The following WDR59 variants were observed in gnomAD, a reference collection of about 807,000 sequenced individuals.
WDR59 encodes the protein GATOR2 complex protein WDR59.
WDR59 carries 100 observed loss-of-function variants against 131.2 expected under a neutral mutation model. The observed-to-expected ratio is 0.76, with a 90% CI of 0.65 to 0.90. The LOEUF is 0.90. Ranked by LOEUF, WDR59 falls within the 40% of genes least tolerant of loss-of-function variation. The probability of loss-of-function intolerance (pLI) is 0.00; values close to 1 mark genes in which losing one functional copy is unlikely to be tolerated. For missense variants in WDR59, 1,203 were observed against 1,262.2 expected, an observed-to-expected ratio of 0.95 and a Z score of 0.71; for synonymous variants, 601 against 466.2, an observed-to-expected ratio of 1.29 and a Z score of -3.72.
intron 1 of WDR59, among the ~76,000 whole-genome samples, chr16:74,981,654 A>ATG (rs1430602702): frequency 9.5e-5 from 1 of 10,568 alleles, no homozygotes; most frequent in South Asian, 5.7e-3. Flanking sequence ...ATATATATAT[A>ATG]TATATATTTT....
intron 6 of WDR59, among the ~76,000 whole-genome samples, chr16:74,943,422 G>A (rs72798654): frequency 6.6e-6 from 1 of 152,024 alleles, no homozygotes; most frequent in Non-Finnish European, 1.5e-5. Flanking sequence ...AAGGGAAAGG[G>A]AACACCCTTG....
chr16:74,880,998 C>G (rs909666489), intron 25 of WDR59, among the ~76,000 whole-genome samples: 1 of 152,224 alleles, frequency 6.6e-6, no homozygotes, highest in Admixed American at 6.5e-5. Context: ...GAGCAGATCT[C>G]TACCTCTATG....
rs557876112 is a variant in WDR59, at chr16:74,922,208, T to C, written c.730-105A>G. The C allele has an allele frequency of 2.6e-3, 3,734 of 1,430,608 alleles. 128 individuals carry two copies. The South Asian group carries it at 0.048, about 18-fold the overall frequency. The allele number at this position is 1,430,608 out of a possible 1,614,324, so 88.6% of individuals were successfully genotyped here. A position where few individuals can be genotyped will look rare whatever the true frequency, so the allele number is the denominator to read the frequency against. ...TTCTTCCTAAGTAAAATAAATTAGA[T>C]AATGGAAGGCCCCAACTCATCTGGA... On this transcript the variant is annotated intron_variant, in intron 9 of 25. Coordinates refer to ENST00000262144, the MANE Select transcript of WDR59 (RefSeq NM_030581.4).
intron 18 of WDR59, among the ~76,000 whole-genome samples, chr16:74,902,457 A>G (rs1200254211): frequency 6.6e-6 from 1 of 152,152 alleles, no homozygotes; most frequent in African/African-American, 2.4e-5. Context: ...CCATACCATC[A>G]AAAACATGGA....
At chr16:74,973,200 C>T (rs1275208189) in intron 1 of WDR59, among the ~76,000 whole-genome samples, 1 of 152,152 alleles carries the variant, frequency 6.6e-6, no homozygotes, top group Non-Finnish European at 1.5e-5. Flanking sequence ...AAGATTGCGC[C>T]ATTGCACTCC....
intron 2 of WDR59, among the ~76,000 whole-genome samples, chr16:74,963,449 T>C (rs1487385505): frequency 1.3e-5 from 2 of 152,220 alleles, no homozygotes; most frequent in Non-Finnish European, 2.9e-5. Context: ...GGGACATGGA[T>C]GGAGCTGGAA....
chr16:74,969,518 A>C (rs1597811701), intron 1 of WDR59, among the ~76,000 whole-genome samples: 1 of 151,398 alleles, frequency 6.6e-6, no homozygotes, highest in East Asian at 2.0e-4. Flanking sequence ...TGATCCACCC[A>C]CCTCAGCCTC....
Position 74,908,993 on chromosome 16 carries a change from T to G in WDR59, c.1643-16A>C. On this transcript the variant is annotated splice_polypyrimidine_tract_variant and intron_variant, in intron 16 of 25. Transcript: ENST00000262144. ...ACCAGGTAACCTAAAGGAGGAGACA[T>G]CACATGAGCCATCAGTGTCAACAAG... 1.9e-6 allele frequency: 3 copies of G among 1,610,894 alleles called. No homozygotes were observed. The highest frequency in any genetic ancestry group is 2.5e-6 in the Non-Finnish European group (3 of 1,178,196).
At chr16:74,919,243 T>C (rs1421379386) in intron 10 of WDR59, among the ~76,000 whole-genome samples, 2 of 151,974 alleles carry the variant, frequency 1.3e-5, no homozygotes, top group East Asian at 1.9e-4. Context: ...GTTACTTCAT[T>C]CACTAAAACC....
At chr16:74,969,433 C>T (rs148637336) in intron 1 of WDR59, among the ~76,000 whole-genome samples, 4 of 151,820 alleles carry the variant, frequency 2.6e-5, no homozygotes, top group Non-Finnish European at 5.9e-5. Flanking sequence ...CCACTACGCT[C>T]GGCTAATTTT....
chr16:74,898,683 G>C (rs369913197), intron 18 of WDR59, among the ~76,000 whole-genome samples: 17 of 152,374 alleles, frequency 1.1e-4, no homozygotes, highest in Middle Eastern at 3.4e-3. Context: ...TAAATGGGTT[G>C]AATGTAAAAG....
intron 9 of WDR59, among the ~76,000 whole-genome samples, 199 bp downstream of exon 9, chr16:74,923,727 C>A (rs940141021): frequency 2.6e-5 from 4 of 152,076 alleles, no homozygotes; most frequent in African/African-American, 9.7e-5. Flanking sequence ...CAGGTGTGAG[C>A]CACTGCGCCC....
At chr16:74,952,445 CAAAAAAAAAAA>C (rs61448932) in intron 3 of WDR59, among the ~76,000 whole-genome samples, 3 of 62,718 alleles carry the variant, frequency 4.8e-5, no homozygotes, top group Admixed American at 4.5e-4. Context: ...CCATCTCAAA[CAAAAAAAAAAA>C]AAAAAAAAAA....
intron 8 of WDR59, among the ~76,000 whole-genome samples, chr16:74,924,615 CCACA>C (rs1460209599): frequency 6.6e-6 from 1 of 152,128 alleles, no homozygotes; most frequent in Non-Finnish European, 1.5e-5. Context: ...ACAAAGTGAG[CCACA>C]CAAACTACCT....
intron 6 of WDR59, among the ~76,000 whole-genome samples, chr16:74,943,302 A>G (rs1440915246): frequency 6.6e-6 from 1 of 151,536 alleles, no homozygotes; most frequent in Non-Finnish European, 1.5e-5. Context: ...GCTGAAGACC[A>G]GCTACAGAAT....
chr16:74,956,381 A>G, intron 3 of WDR59, 94 bp downstream of exon 3: 1 of 1,447,770 alleles, frequency 6.9e-7, no homozygotes, highest in Admixed American at 2.4e-5. Context: ...ATGAGCAATG[A>G]GGACTGCATT....
chr16:74,974,518 G>C (rs906712658), intron 1 of WDR59, among the ~76,000 whole-genome samples: 1 of 151,792 alleles, frequency 6.6e-6, no homozygotes, highest in Non-Finnish European at 1.5e-5. Context: ...TTGGCACAGC[G>C]GGCATGAGGC....
chr16:74,896,404 A>G (rs1397868203), intron 18 of WDR59, among the ~76,000 whole-genome samples: 1 of 152,204 alleles, frequency 6.6e-6, no homozygotes, highest in Non-Finnish European at 1.5e-5. Flanking sequence ...CAAGGCAGGC[A>G]GATCACCTGA....
intron 10 of WDR59, 27 bp downstream of exon 10, chr16:74,921,920 A>G: frequency 2.5e-6 from 4 of 1,608,806 alleles, no homozygotes; most frequent in Non-Finnish European, 3.4e-6. Context: ...TCAGAAGGAA[A>G]GTGGGCAGCA....
Sources: allele counts gnomAD v4.1 joint callset (sites outside exome capture counted in the v4.1 genomes callset), GRCh38; gene constraint gnomAD v4.1.1; transcripts MANE v1.5; gene names NCBI Gene and HGNC (gene_info 2026-07-23, HGNC 2026-07-21).